GPC3: variants seen among roughly 807,000 people sequenced by gnomAD.
GPC3 encodes the protein glypican-3.
GPC3 carries 3 observed loss-of-function variants against 34.4 expected under a neutral mutation model. The ratio of observed to expected loss-of-function variants is 0.09; its 90% CI spans 0.04 to 0.23. The LOEUF (loss-of-function observed/expected upper bound fraction) is 0.23, where lower values mean the gene tolerates loss of function less well. Ranked by LOEUF, GPC3 falls within the 10% of genes least tolerant of loss-of-function variation. The pLI, the probability that GPC3 is intolerant of heterozygous loss-of-function variation, is 1.00. For synonymous variants in GPC3, 177 were observed against 174.0 expected (o/e 1.02, Z -0.13); for missense variants, 351 against 445.6 (o/e 0.79, Z 1.91).
At chrX:133,547,385 G>C (rs1178364689) in intron 7 of GPC3, among the ~76,000 whole-genome samples, 2 of 111,164 alleles carry the variant, frequency 1.8e-5, no homozygotes, top group African/African-American at 6.5e-5. Context: ...ACAGCATCTG[G>C]GGATGCTCCC....
chrX:133,551,213 G>T (rs1828509319), intron 7 of GPC3, among the ~76,000 whole-genome samples: 1 of 99,842 alleles, frequency 1.0e-5, no homozygotes. Flanking sequence ...GGTGATTGAA[G>T]TTTCAGTGCC....
intron 3 of GPC3, among the ~76,000 whole-genome samples, chrX:133,741,065 G>C (rs765378188): frequency 1.0e-4 from 11 of 110,133 alleles, no homozygotes; most frequent in African/African-American, 3.6e-4. Context: ...AGTGATACCA[G>C]AGAGGTTATG....
At chrX:133,560,365 G>A (rs1356458390) in intron 7 of GPC3, among the ~76,000 whole-genome samples, 1 of 112,195 alleles carries the variant, frequency 8.9e-6, no homozygotes, top group Non-Finnish European at 1.9e-5. Context: ...CTTTCCCCCT[G>A]GAGTTTTTGC....
intron 2 of GPC3, among the ~76,000 whole-genome samples, chrX:133,756,719 T>C (rs763402791): frequency 7.5e-4 from 85 of 112,717 alleles, no homozygotes; most frequent in Non-Finnish European, 1.4e-3. Context: ...TCACAATGCA[T>C]GTTGCAGGGG....
intron 7 of GPC3, among the ~76,000 whole-genome samples, chrX:133,576,382 T>C (rs1308476874): frequency 1.8e-5 from 2 of 111,044 alleles, no homozygotes; most frequent in Non-Finnish European, 3.8e-5. Flanking sequence ...TAGCTGGGAT[T>C]ACAGGCGTGT....
chrX:133,940,190 G>T (rs771860825), intron 2 of GPC3, among the ~76,000 whole-genome samples: 1 of 111,675 alleles, frequency 9.0e-6, no homozygotes, highest in South Asian at 3.8e-4. Context: ...CATATCAATG[G>T]AATTTGAAGC....
At chrX:133,659,216 C>A (rs145933091) in intron 6 of GPC3, among the ~76,000 whole-genome samples, 1 of 112,415 alleles carries the variant, frequency 8.9e-6, no homozygotes, top group East Asian at 2.8e-4. Flanking sequence ...CAAAGTTATG[C>A]GCCTAGCAAA....
At chrX:133,977,504 C>T (rs1268618511) in intron 1 of GPC3, among the ~76,000 whole-genome samples, 1 of 111,596 alleles carries the variant, frequency 9.0e-6, no homozygotes, top group Non-Finnish European at 1.9e-5. Flanking sequence ...AAACTCCTCC[C>T]TATATCTGTC....
At chrX:133,984,724 A>G (rs369038950) in intron 1 of GPC3, among the ~76,000 whole-genome samples, 1 of 106,733 alleles carries the variant, frequency 9.4e-6, no homozygotes, top group East Asian at 3.1e-4. Context: ...AGTTTGCCTC[A>G]GTGTGTCTTC....
At chrX:133,829,122 A>G (rs1437818012) in intron 2 of GPC3, among the ~76,000 whole-genome samples, 2 of 112,234 alleles carry the variant, frequency 1.8e-5, no homozygotes, top group African/African-American at 6.5e-5. Flanking sequence ...TAGATTGAAA[A>G]TAAAAGGTTG....
At chrX:133,712,089 T>C (rs766043915) in intron 3 of GPC3, among the ~76,000 whole-genome samples, 1 of 112,429 alleles carries the variant, frequency 8.9e-6, no homozygotes, top group South Asian at 3.6e-4. Flanking sequence ...CATGTTTTTC[T>C]GATATTTAAG....
chrX:133,931,844 C>A (rs2076299928), intron 2 of GPC3, among the ~76,000 whole-genome samples: 1 of 111,465 alleles, frequency 9.0e-6, no homozygotes, highest in Non-Finnish European at 1.9e-5. Context: ...ACTCTATATT[C>A]CACCTCCTAC....
At chrX:133,873,426 G>T (rs1269616914) in intron 2 of GPC3, among the ~76,000 whole-genome samples, 1 of 111,757 alleles carries the variant, frequency 8.9e-6, no homozygotes, top group East Asian at 2.8e-4. Flanking sequence ...CAAGAATGTT[G>T]CTGAGATGTA....
chrX:133,744,111 T>C (rs1379252809), intron 3 of GPC3, among the ~76,000 whole-genome samples: 1 of 111,912 alleles, frequency 8.9e-6, no homozygotes, highest in Non-Finnish European at 1.9e-5. Context: ...GGGCAAAGAC[T>C]TAATGACTAA....
intron 7 of GPC3, among the ~76,000 whole-genome samples, chrX:133,585,584 T>C (rs1031695742): frequency 4.7e-4 from 53 of 111,816 alleles, no homozygotes; most frequent in African/African-American, 1.6e-3. Context: ...AGGGGAGCAC[T>C]TTCCTTTTGC....
Position 133,613,867 on chromosome X carries a change from A to G in GPC3, c.1414-17268T>C, listed in dbSNP as rs540959034. Among the ~76,000 whole-genome samples the G allele has an allele frequency of 9.6e-4, 108 of 112,586 alleles. 3 individuals are homozygous for G. In the South Asian group the frequency reaches 0.015, roughly 15 times the overall value. On this transcript the variant is annotated intron_variant, in intron 6 of 7. Transcript: ENST00000370818. ...GAAATCATGTCTAAAGAATTAAAGA[A>G]GTGTTTTATAATGATGTCCCATGAC... is the stretch of plus-strand genomic sequence containing the variant.
At chrX:133,801,705 CAT>C (rs1419521216) in intron 2 of GPC3, among the ~76,000 whole-genome samples, 2 of 112,140 alleles carry the variant, frequency 1.8e-5, no homozygotes, top group African/African-American at 6.5e-5. Flanking sequence ...TACAACAAGA[CAT>C]GTATCAGCAT....
At chrX:133,780,362 C>CT (rs2072033922) in intron 2 of GPC3, among the ~76,000 whole-genome samples, 1 of 111,730 alleles carries the variant, frequency 9.0e-6, no homozygotes, top group Non-Finnish European at 1.9e-5. Context: ...AAACAGGCTT[C>CT]TTTAAAGGTA....
intron 6 of GPC3, among the ~76,000 whole-genome samples, chrX:133,608,317 C>T (rs1445924675): frequency 2.7e-5 from 3 of 112,293 alleles, no homozygotes; most frequent in African/African-American, 9.7e-5. Flanking sequence ...CAAAATATAA[C>T]TTTTTTTCCT....
Sources: gnomAD v4.1 joint callset for allele counts (sites outside exome capture counted in the v4.1 genomes callset) on GRCh38, gnomAD v4.1.1 for gene constraint, MANE v1.5 for transcripts, NCBI Gene and HGNC (gene_info 2026-07-23, HGNC 2026-07-21) for gene names.